STPG2: variants seen among roughly 807,000 people sequenced by gnomAD.
STPG2 encodes sperm tail PG-rich repeat containing 2, also known as sperm-tail PG-rich repeat-containing protein 2.
Under a neutral mutation model 54.2 loss-of-function variants are expected in STPG2, and 56 were observed. The observed-to-expected ratio is 1.03, with a 90% confidence interval of 0.83 to 1.29. The LOEUF (loss-of-function observed/expected upper bound fraction) is 1.29, where lower values mean the gene tolerates loss of function less well. Ranked by LOEUF, STPG2 falls within the 50% of genes most tolerant of loss-of-function variation. The pLI, the probability that STPG2 is intolerant of heterozygous loss-of-function variation, is 0.00. For synonymous variants in STPG2, 200 were observed against 181.8 expected (o/e 1.10, Z -0.81); for missense variants, 596 against 544.9 (o/e 1.09, Z -0.93).
At chr4:97,651,618 A>G (rs1053659010) in intron 10 of STPG2, among the ~76,000 whole-genome samples, 10 of 152,154 alleles carry the variant, frequency 6.6e-5, no homozygotes, top group Admixed American at 2.0e-4. Flanking sequence ...ACTTTGTTAC[A>G]AGTTCTTTAT....
At chr4:98,027,598 T>C (rs1736465902) in intron 5 of STPG2, among the ~76,000 whole-genome samples, 2 of 152,106 alleles carry the variant, frequency 1.3e-5, no homozygotes, top group Admixed American at 6.6e-5. Flanking sequence ...GGAATAAGTG[T>C]AGAACACCAG....
At chr4:97,794,246 T>C (rs1395900472) in intron 9 of STPG2, among the ~76,000 whole-genome samples, 1 of 152,128 alleles carries the variant, frequency 6.6e-6, no homozygotes, top group African/African-American at 2.4e-5. Context: ...GAATTTCACA[T>C]TTTATTACAT....
chr4:98,046,903 T>C (rs758885152), intron 5 of STPG2, among the ~76,000 whole-genome samples: 3 of 152,104 alleles, frequency 2.0e-5, no homozygotes, highest in Non-Finnish European at 4.4e-5. Flanking sequence ...CTACAGAAAT[T>C]TCCCACACAC....
chr4:97,507,570 C>T (rs1403254143), intron 4 of STPG2, among the ~76,000 whole-genome samples: 2 of 151,980 alleles, frequency 1.3e-5, no homozygotes, highest in Non-Finnish European at 2.9e-5. Flanking sequence ...CATAAGACTG[C>T]CCTCATTTCA....
intron 5 of STPG2, among the ~76,000 whole-genome samples, chr4:98,023,936 C>G (rs1345066142): frequency 6.6e-6 from 1 of 152,142 alleles, no homozygotes; most frequent in Non-Finnish European, 1.5e-5. Context: ...GTCTGTCACC[C>G]CTTTCTTTGA....
intron 10 of STPG2, among the ~76,000 whole-genome samples, chr4:97,619,106 CT>C (rs1389978759): frequency 2.0e-5 from 3 of 152,128 alleles, no homozygotes; most frequent in Non-Finnish European, 4.4e-5. Context: ...TATACCCCTT[CT>C]ATTAAGGATA....
At chr4:97,606,015 A>T (rs773871730) in intron 10 of STPG2, among the ~76,000 whole-genome samples, 12 of 151,834 alleles carry the variant, frequency 7.9e-5, no homozygotes, top group Non-Finnish European at 1.6e-4. Context: ...CCTAGATAAG[A>T]ACTGAAAAAC....
At chr4:97,805,606 A>C (rs1727534562) in intron 9 of STPG2, among the ~76,000 whole-genome samples, 1 of 152,156 alleles carries the variant, frequency 6.6e-6, no homozygotes, top group African/African-American at 2.4e-5. Flanking sequence ...CCCACTTAAG[A>C]ATGGGGTTAT....
At chr4:97,641,610 T>C (rs955898162) in intron 10 of STPG2, among the ~76,000 whole-genome samples, 2 of 151,362 alleles carry the variant, frequency 1.3e-5, no homozygotes, top group Non-Finnish European at 3.0e-5. Context: ...TCAAAGACCA[T>C]GACAGCAGAG....
At chr4:97,659,358 A>G (rs933111830) in intron 10 of STPG2, among the ~76,000 whole-genome samples, 3 of 152,226 alleles carry the variant, frequency 2.0e-5, no homozygotes, top group African/African-American at 7.2e-5. Context: ...TCTACAAAGC[A>G]CTGAAGATAG....
chr4:97,536,490 G>C (rs1375502449), intron 4 of STPG2, among the ~76,000 whole-genome samples: 2 of 152,126 alleles, frequency 1.3e-5, no homozygotes, highest in Non-Finnish European at 2.9e-5. Flanking sequence ...ATGATTGTAA[G>C]TTTCCTAAGG....
chr4:97,450,147 T>C (rs761641810), intron 4 of STPG2, among the ~76,000 whole-genome samples: 4 of 152,084 alleles, frequency 2.6e-5, no homozygotes, highest in Non-Finnish European at 4.4e-5. Context: ...ATAAGTCCGA[T>C]TGCTTAGAAA....
chr4:97,724,394 A>G (rs990307896), intron 9 of STPG2, among the ~76,000 whole-genome samples: 1 of 152,132 alleles, frequency 6.6e-6, no homozygotes, highest in Non-Finnish European at 1.5e-5. Context: ...ATTTATTCAG[A>G]CCACTATCTA....
At chr4:97,518,755 G>C (rs1731125015) in intron 4 of STPG2, among the ~76,000 whole-genome samples, 1 of 152,006 alleles carries the variant, frequency 6.6e-6, no homozygotes, top group Non-Finnish European at 1.5e-5. Context: ...CAAATGAACT[G>C]CCTGTTATGT....
intron 4 of STPG2, among the ~76,000 whole-genome samples, chr4:97,540,171 T>A (rs1274108354): frequency 6.6e-6 from 1 of 151,948 alleles, no homozygotes; most frequent in Non-Finnish European, 1.5e-5. Context: ...CTTCAAAAAA[T>A]CAATGAATCC....
intron 8 of STPG2, among the ~76,000 whole-genome samples, chr4:97,861,654 G>A (rs558005289): frequency 2.0e-5 from 3 of 152,242 alleles, no homozygotes; most frequent in African/African-American, 4.8e-5. Context: ...AGAAAAAAAT[G>A]TTAAGGGCAG....
intron 5 of STPG2, among the ~76,000 whole-genome samples, chr4:97,994,397 C>T (rs1475938790): frequency 1.3e-5 from 2 of 152,100 alleles, no homozygotes; most frequent in Non-Finnish European, 2.9e-5. Context: ...ATATGGCCTA[C>T]CTTGGAGAAT....
intron 4 of STPG2, among the ~76,000 whole-genome samples, chr4:97,541,774 T>C (rs1731713021): frequency 6.6e-6 from 1 of 152,078 alleles, no homozygotes; most frequent in South Asian, 2.1e-4. Context: ...AAAACAGAGA[T>C]ATAGACCAAT....
At chr4:97,933,150 G>T (rs1425004541) in intron 8 of STPG2, among the ~76,000 whole-genome samples, 2 of 151,670 alleles carry the variant, frequency 1.3e-5, no homozygotes, top group Admixed American at 1.3e-4. Context: ...TTGTTTATTG[G>T]CCATATAAAT....
Sources: gnomAD v4.1 joint callset for allele counts (sites outside exome capture counted in the v4.1 genomes callset) on GRCh38, gnomAD v4.1.1 for gene constraint, MANE v1.5 for transcripts, NCBI Gene and HGNC (gene_info 2026-07-23, HGNC 2026-07-21) for gene names.